GRID1: variants seen among roughly 807,000 people sequenced by gnomAD.
GRID1 encodes glutamate receptor ionotropic, delta-1.
Under a neutral mutation model 98.0 loss-of-function variants are expected in GRID1, and 28 were observed. That is an observed-to-expected ratio of 0.29 (90% CI 0.21 to 0.39). The LOEUF (loss-of-function observed/expected upper bound fraction) is 0.39, where lower values mean the gene tolerates loss of function less well. Among genes scored for constraint, GRID1 ranks in the 10% least tolerant of loss-of-function variants. GRID1 has a pLI of 1.00. For missense variants in GRID1, 1,111 were observed against 1,340.5 expected (o/e 0.83, Z 2.67); for synonymous variants, 553 against 538.5 (o/e 1.03, Z -0.37).
intron 4 of GRID1, among the ~76,000 whole-genome samples, chr10:85,930,750 T>G (rs1841841050): frequency 6.6e-6 from 1 of 152,240 alleles, no homozygotes; most frequent in Non-Finnish European, 1.5e-5. Context: ...GCTATCATAT[T>G]GATTGATAGC....
At chr10:86,186,084 A>T (rs1244076933) in intron 3 of GRID1, among the ~76,000 whole-genome samples, 4 of 152,184 alleles carry the variant, frequency 2.6e-5, no homozygotes, top group Admixed American at 2.6e-4. Context: ...CTAGAAATTC[A>T]ATTTCTTTAA....
intron 12 of GRID1, among the ~76,000 whole-genome samples, chr10:85,712,381 TACATATACAC>T (rs994687107): frequency 1.3e-5 from 2 of 151,820 alleles, no homozygotes; most frequent in African/African-American, 4.8e-5. Context: ...GACACATGTG[TACATATACAC>T]ATATGCACTC....
intron 4 of GRID1, among the ~76,000 whole-genome samples, chr10:86,054,445 TC>T (rs1215874436): frequency 5.3e-5 from 8 of 152,092 alleles, no homozygotes; most frequent in African/African-American, 1.9e-4. Flanking sequence ...AGGCTGATCT[TC>T]CCCTAACTCT....
At position 85,727,919 on chromosome 10, in the gene GRID1, C is replaced by T; in HGVS notation, c.1469G>A (p.Gly490Asp). ...GTTATGGAGCTGGTGACCGTACCTGCCATCAGGGGCTTGGTAAATCTCATA... is the reference window on the plus strand; with the variant it reads ...GTTATGGAGCTGGTGACCGTACCTGTCATCAGGGGCTTGGTAAATCTCATA... ...FKYEIYQAPD[G>D]RYGHQLHNTS... Residue 490 changes from glycine (G) to aspartate (D), a missense_variant, in exon 10 of 16, where the codon GGC becomes GAC. By Grantham distance (94) the Gly-to-Asp change is moderately conservative. Coordinates refer to ENST00000327946, the MANE Select transcript of GRID1 (RefSeq NM_017551.3). The T allele has an allele frequency of 1.2e-6, 2 of 1,613,904 alleles. No individual in the cohort carries two copies. Among genetic ancestry groups the T allele is most frequent in the Non-Finnish European group, 1.7e-6 (2 of 1,179,846 alleles).
chr10:86,099,071 G>A (rs1370514292), intron 4 of GRID1, among the ~76,000 whole-genome samples: 1 of 152,170 alleles, frequency 6.6e-6, no homozygotes, highest in Non-Finnish European at 1.5e-5. Flanking sequence ...GAAAGCAAAG[G>A]TCCAAAGTGA....
intron 12 of GRID1, among the ~76,000 whole-genome samples, chr10:85,664,526 A>T (rs1291080642): frequency 6.6e-6 from 1 of 152,082 alleles, no homozygotes; most frequent in East Asian, 1.9e-4. Flanking sequence ...ATTATCCTGC[A>T]TGGTTTGAGG....
intron 2 of GRID1, among the ~76,000 whole-genome samples, chr10:86,278,276 G>T (rs1300401647): frequency 6.6e-6 from 1 of 152,064 alleles, no homozygotes; most frequent in Non-Finnish European, 1.5e-5. Context: ...TTTTTAAATT[G>T]ACTGTAAGTC....
intron 4 of GRID1, among the ~76,000 whole-genome samples, chr10:86,132,612 T>A (rs896914481): frequency 6.6e-6 from 1 of 152,222 alleles, no homozygotes; most frequent in African/African-American, 2.4e-5. Flanking sequence ...TAGCTCTGAG[T>A]GATAAAGTCG....
chr10:86,249,505 T>C (rs185414006), intron 2 of GRID1, among the ~76,000 whole-genome samples: 19 of 152,268 alleles, frequency 1.2e-4, no homozygotes, highest in Non-Finnish European at 2.2e-4. Flanking sequence ...CGCACAACAG[T>C]TGGCATCCCC....
chr10:85,744,540 C>T (rs1399634362), intron 8 of GRID1, among the ~76,000 whole-genome samples: 2 of 139,748 alleles, frequency 1.4e-5, no homozygotes, highest in Admixed American at 7.4e-5. Flanking sequence ...GAAACTGGAT[C>T]CCTTCCTTAC....
rs954742067 is a variant in GRID1, at chr10:85,649,776, C to A, written c.1998-2379G>T. 4.6e-5 allele frequency among the ~76,000 whole-genome samples: 7 copies of A among 152,114 alleles called. No homozygotes were observed. In the South Asian group the frequency reaches 6.2e-4, roughly 14 times the overall value. On this transcript the variant is annotated intron_variant, in intron 12 of 15. Coordinates refer to ENST00000327946, the MANE Select transcript of GRID1 (RefSeq NM_017551.3). Reference sequence around the variant, plus strand: ...GGAACGTCTCTGGTTAACAAGCAGGCAGCCCAAATGTTTATGGCTTCATGT... The same window carrying A: ...GGAACGTCTCTGGTTAACAAGCAGGAAGCCCAAATGTTTATGGCTTCATGT...
chr10:85,798,703 AT>A (rs200103129), intron 8 of GRID1, among the ~76,000 whole-genome samples: 5,192 of 151,272 alleles, frequency 0.034, 129 homozygotes, highest in Middle Eastern at 0.048. Flanking sequence ...TTTAAATCAG[AT>A]TTTTTTTTGT....
chr10:85,763,611 A>G (rs1191059792), intron 8 of GRID1, among the ~76,000 whole-genome samples: 2 of 152,210 alleles, frequency 1.3e-5, no homozygotes, highest in Non-Finnish European at 2.9e-5. Context: ...TGTAATGCAC[A>G]TTTTTACCTT....
chr10:85,895,281 C>G (rs1201974383), intron 5 of GRID1, among the ~76,000 whole-genome samples: 1 of 151,682 alleles, frequency 6.6e-6, no homozygotes, highest in Non-Finnish European at 1.5e-5. Flanking sequence ...ACCTTTTTTC[C>G]TTTTTCCTAC....
intron 8 of GRID1, among the ~76,000 whole-genome samples, chr10:85,850,141 C>T (rs184143760): frequency 6.6e-6 from 1 of 152,264 alleles, no homozygotes; most frequent in Admixed American, 6.5e-5. Flanking sequence ...GTTCAAAGGG[C>T]CTGCGAGCAG....
rs1436518182 is a variant in GRID1 at position 85,802,929 on chromosome 10, A to C, written c.1233+51567T>G. On this transcript the variant is annotated intron_variant, in intron 8 of 15. Coordinates refer to ENST00000327946, the MANE Select transcript of GRID1 (RefSeq NM_017551.3). Reference sequence around the variant, plus strand: ...AAATTGCTTATTTGCAGGATCTAAAAATCAAAACAATTGAACTCATGGAGA... The same window carrying C: ...AAATTGCTTATTTGCAGGATCTAAACATCAAAACAATTGAACTCATGGAGA... Among the ~76,000 whole-genome samples, 5 of 151,190 alleles carry C rather than the reference A, an allele frequency of 3.3e-5. No individual in the cohort carries two copies. The East Asian group carries it at 9.8e-4, about 30-fold the overall frequency.
intron 4 of GRID1, among the ~76,000 whole-genome samples, chr10:86,097,413 G>C (rs992832149): frequency 4.6e-5 from 7 of 152,120 alleles, no homozygotes; most frequent in Non-Finnish European, 8.8e-5. Context: ...GGGGAGACTG[G>C]TAAAAGGAAC....
At chr10:86,322,821 G>A (rs904311419) in intron 2 of GRID1, among the ~76,000 whole-genome samples, 1 of 151,574 alleles carries the variant, frequency 6.6e-6, no homozygotes, top group African/African-American at 2.4e-5. Context: ...GCCAGGCACG[G>A]TGGCTCATGA....
At chr10:86,357,372 C>G (rs1454915729) in intron 2 of GRID1, among the ~76,000 whole-genome samples, 1 of 152,214 alleles carries the variant, frequency 6.6e-6, no homozygotes, top group Non-Finnish European at 1.5e-5. Flanking sequence ...AGCTCAGAGG[C>G]AGTATGACCC....
Sources: gnomAD v4.1 joint callset for allele counts (sites outside exome capture counted in the v4.1 genomes callset) on GRCh38, gnomAD v4.1.1 for gene constraint, MANE v1.5 for transcripts, NCBI Gene and HGNC (gene_info 2026-07-23, HGNC 2026-07-21) for gene names.